Variants in LCK observed in about 807,000 individuals in gnomAD.
LCK encodes the protein LCK proto-oncogene, Src family tyrosine kinase.
LCK carries 14 observed loss-of-function variants against 64.6 expected under a neutral mutation model. That is an observed-to-expected ratio of 0.22 (90% CI 0.14 to 0.34). LCK has a LOEUF of 0.34. Ranked by LOEUF, LCK falls within the 10% of genes least tolerant of loss-of-function variation. The pLI, the probability that LCK is intolerant of heterozygous loss-of-function variation, is 1.00. For missense variants in LCK, 434 were observed against 668.1 expected, an observed-to-expected ratio of 0.65 and a Z score of 3.86; for synonymous variants, 277 against 263.6, an observed-to-expected ratio of 1.05 and a Z score of -0.49.
At chr1:32,255,519 G>A (rs967671104) in intron 1 of LCK, among the ~76,000 whole-genome samples, 2 of 152,174 alleles carry the variant, frequency 1.3e-5, no homozygotes, top group African/African-American at 2.4e-5. Flanking sequence ...TTCACTAAAC[G>A]TTAGCTTGGT....
At chr1:32,273,703 A>C (rs1003086972) in intron 1 of LCK, among the ~76,000 whole-genome samples, 5 of 152,074 alleles carry the variant, frequency 3.3e-5, no homozygotes, top group Non-Finnish European at 7.4e-5. Context: ...AACAAAAAAA[A>C]AGTTATGGCC....
At chr1:32,268,788 G>A (rs1364122084) in intron 1 of LCK, among the ~76,000 whole-genome samples, 1 of 149,732 alleles carries the variant, frequency 6.7e-6, no homozygotes, top group Non-Finnish European at 1.5e-5. Flanking sequence ...ACTCCAGCTT[G>A]GGCAACAAGA....
rs1174647220 is a variant in LCK, at chr1:32,285,971, C to A, written c.*255C>A. 5 of 498,080 alleles carry A rather than the reference C, an allele frequency of 1.0e-5. No homozygotes were observed. Among genetic ancestry groups the A allele is most frequent in the Non-Finnish European group, 1.8e-5 (5 of 276,026 alleles). The allele number at this position is 498,080 out of a possible 1,614,324, so 30.9% of individuals were successfully genotyped here. A position where few individuals can be genotyped will look rare whatever the true frequency, so the allele number is the denominator to read the frequency against. On this transcript the variant is annotated 3_prime_UTR_variant, in exon 13 of 13. Coordinates refer to ENST00000336890, the MANE Select transcript of LCK (RefSeq NM_005356.5). ...ACAAGGTACCCCTTTCTGGCTCTCCCATTTCCTGAGACCACAGAGAGAGGG... is the reference window on the plus strand; with the variant it reads ...ACAAGGTACCCCTTTCTGGCTCTCCAATTTCCTGAGACCACAGAGAGAGGG...
At chr1:32,266,861 ATC>A (rs1263832978) in intron 1 of LCK, among the ~76,000 whole-genome samples, 1 of 112,300 alleles carries the variant, frequency 8.9e-6, no homozygotes, top group Non-Finnish European at 1.8e-5. Context: ...CTTCTTTCCC[ATC>A]TCTCCCTTCC....
intron 12 of LCK, among the ~76,000 whole-genome samples, chr1:32,280,416 CTTTTCTTTTTCTCTTT>C (rs1557588945): frequency 2.4e-5 from 3 of 127,082 alleles, no homozygotes; most frequent in African/African-American, 5.9e-5. Flanking sequence ...AACCCCAGCT[CTTTTCTTTTTCTCTTT>C]TTTTCTTTTT....
intron 1 of LCK, among the ~76,000 whole-genome samples, chr1:32,268,318 T>C (rs1639984179): frequency 6.6e-6 from 1 of 152,050 alleles, no homozygotes; most frequent in Admixed American, 6.6e-5. Context: ...TATTCATTTA[T>C]TTATTTACTT....
chr1:32,256,499 G>A (rs1639636623), intron 1 of LCK, among the ~76,000 whole-genome samples: 1 of 151,874 alleles, frequency 6.6e-6, no homozygotes, highest in Non-Finnish European at 1.5e-5. Flanking sequence ...TTGGGAGGCT[G>A]AGACAGGAGA....
chr1:32,282,579 G>A (rs1018236790), intron 12 of LCK, among the ~76,000 whole-genome samples: 6 of 152,160 alleles, frequency 3.9e-5, no homozygotes, highest in African/African-American at 1.4e-4. Context: ...GCTGAGGTGG[G>A]TGGATCACAA....
chr1:32,274,428 G>C lies in LCK; in HGVS notation c.99G>C (p.Lys33Asn). ...CHYPIVPLDG[K>N]GTLLIRNGSE... The stretch of plus-strand genomic sequence containing the variant: ...ATCCCATAGTCCCACTGGATGGCAA[G>C]GGCACGGTAAGAGGCGAGACAGGGG... The change falls in exon 2 of 13, where the codon AAG (lysine) becomes AAC (asparagine). Residue 33 changes from lysine (K) to asparagine (N), a missense_variant. Around this residue, in one of 2 missense-constraint regions of LCK, gnomAD observed 233 missense variants for 291.2 expected, o/e 0.80. Transcript: ENST00000336890. The C allele has an allele frequency of 1.2e-6, 2 of 1,611,772 alleles. No individual in the cohort carries two copies. The highest frequency in any genetic ancestry group is 1.1e-5 in the South Asian group (1 of 90,860).
Position 32,275,077 on chromosome 1 carries a change from T to A in LCK, c.272T>A (p.Leu91Gln). The A allele has an allele frequency of 6.2e-7, 1 of 1,609,776 alleles. No individual in the cohort carries two copies. Among genetic ancestry groups the A allele is most frequent in the Non-Finnish European group, 8.5e-7 (1 of 1,176,732 alleles). ...GFEKGEQLRI[L>Q]EQSGEWWKAQ... Reference sequence around the variant, plus strand: ...GAGAAGGGGGAACAGCTCCGCATCCTGGAGCAGTGAGTCCCTCTCCACCTT... The same window carrying A: ...GAGAAGGGGGAACAGCTCCGCATCCAGGAGCAGTGAGTCCCTCTCCACCTT... The change falls in exon 4 of 13, where the codon CTG becomes CAG. Residue 91 changes from leucine to glutamine, a missense_variant. Around this residue, in one of 2 missense-constraint regions of LCK, gnomAD observed 233 missense variants for 291.2 expected, o/e 0.80. Coordinates refer to ENST00000336890, the MANE Select transcript of LCK (RefSeq NM_005356.5). The surrounding 1 kb of genome is among the most constrained non-coding windows in gnomAD (Gnocchi z 6.9).
chr1:32,260,485 A>C (rs1401541075), intron 1 of LCK, among the ~76,000 whole-genome samples: 2 of 152,182 alleles, frequency 1.3e-5, no homozygotes, highest in Non-Finnish European at 1.5e-5. Context: ...CCAGAGTACA[A>C]CAATGGTCTG....
rs113084149 is a variant in LCK, at chr1:32,282,835, A to T, written c.1327+2625A>T. Among the ~76,000 whole-genome samples, 1,430 of 152,086 alleles carry T rather than the reference A, an allele frequency of 9.4e-3. 24 individuals are homozygous for T. The highest frequency in any genetic ancestry group is 0.031 in the African/African-American group (1,296 of 41,496). The stretch of plus-strand genomic sequence containing the variant: ...ATAAATATAAATAAATTAAATAAAT[A>T]AATTAATTAAATGAATAAATAAATA... On this transcript the variant is annotated intron_variant, in intron 12 of 12. Transcript: ENST00000336890.
Position 32,275,968 on chromosome 1 carries a change from A to G in LCK, c.536A>G (p.Lys179Arg). Residue 179 changes from lysine to arginine, a missense_variant, in exon 7 of 13, where the codon AAA (lysine) becomes AGA (arginine). Transcript: ENST00000336890. This position sits in a 1 kb window ranked among gnomAD's most constrained non-coding sequence, Gnocchi z 6.9. ...DFDQNQGEVV[K>R]HYKIRNLDNG... ...GACCAGAACCAGGGAGAGGTGGTGAAACATTACAAGATCCGTAATCTGGAC... is the reference window on the plus strand; with the variant it reads ...GACCAGAACCAGGGAGAGGTGGTGAGACATTACAAGATCCGTAATCTGGAC... 1 of 1,614,062 alleles carries G rather than the reference A, an allele frequency of 6.2e-7. No homozygotes were observed. Among genetic ancestry groups the G allele is most frequent in the Non-Finnish European group, 8.5e-7 (1 of 1,179,980 alleles).
intron 1 of LCK, among the ~76,000 whole-genome samples, chr1:32,272,229 A>G (rs79269248): frequency 5.1e-5 from 2 of 38,918 alleles, no homozygotes; most frequent in African/African-American, 2.0e-3. Flanking sequence ...GGTTGCAGGA[A>G]AAAAAAAAAA....
intron 1 of LCK, among the ~76,000 whole-genome samples, chr1:32,256,022 C>G (rs868096233): frequency 6.6e-6 from 1 of 152,076 alleles, no homozygotes; most frequent in South Asian, 2.1e-4. Flanking sequence ...AATCCCAATA[C>G]TTTGGGAGGC....
At position 32,273,751 on chromosome 1, in the gene LCK, A is replaced by C. The variant is rs11576025; in HGVS notation, c.-5-574A>C. Reference sequence around the variant, plus strand: ...GGAGGGTTTTCTGCTGGGGAGAAGCAAGCCCGTGTTTGAAGGAACCCTGTG... The same window carrying C: ...GGAGGGTTTTCTGCTGGGGAGAAGCCAGCCCGTGTTTGAAGGAACCCTGTG... On this transcript the variant is annotated intron_variant, in intron 1 of 12. Coordinates refer to ENST00000336890, the MANE Select transcript of LCK (RefSeq NM_005356.5). 8.4e-4 allele frequency among the ~76,000 whole-genome samples: 128 copies of C among 152,238 alleles called. No individual in the cohort carries two copies. The Middle Eastern group carries it at 0.01, about 12-fold the overall frequency.
Position 32,275,701 on chromosome 1 carries a change from C to T in LCK, c.481+29C>T, listed in dbSNP as rs1640243072. On this transcript the variant is annotated intron_variant, in intron 6 of 12. Coordinates refer to ENST00000336890, the MANE Select transcript of LCK (RefSeq NM_005356.5). The surrounding 1 kb of genome is among the most constrained non-coding windows in gnomAD (Gnocchi z 6.9). ...AGCGGGCGGCGGTCTCGACCGGGCG[C>T]GGGGGTGCCCCGGGGTGTGCCCGAG... 1.3e-6 allele frequency: 2 copies of T among 1,536,534 alleles called. No homozygotes were observed. Among genetic ancestry groups the T allele is most frequent in the African/African-American group, 2.7e-5 (2 of 72,964 alleles).
chr1:32,265,670 A>G (rs1357981136), intron 1 of LCK, among the ~76,000 whole-genome samples: 1 of 152,000 alleles, frequency 6.6e-6, no homozygotes, highest in African/African-American at 2.4e-5. Context: ...ATCCTAGCCC[A>G]AGGCCTTGTG....
intron 1 of LCK, among the ~76,000 whole-genome samples, chr1:32,252,770 G>A (rs1403074845): frequency 1.3e-5 from 2 of 152,224 alleles, no homozygotes; most frequent in African/African-American, 2.4e-5. Flanking sequence ...GGGAGAAGGT[G>A]TCTCTTAAGA....
Sources: allele counts gnomAD v4.1 joint callset (sites outside exome capture counted in the v4.1 genomes callset), GRCh38; gene constraint gnomAD v4.1.1; regional missense constraint gnomAD v4.1.1; non-coding constraint Gnocchi (gnomAD v3.1); transcripts MANE v1.5; gene names NCBI Gene and HGNC (gene_info 2026-07-23, HGNC 2026-07-21).